EPHB1: variants seen among roughly 807,000 people sequenced by gnomAD.
The protein encoded by EPHB1 is EPH receptor B1.
EPHB1 carries 30 observed loss-of-function variants against 94.4 expected under a neutral mutation model. The ratio of observed to expected loss-of-function variants is 0.32; its 90% CI spans 0.24 to 0.43. EPHB1 has a LOEUF of 0.43. Among genes scored for constraint, EPHB1 ranks in the 20% least tolerant of loss-of-function variants. The pLI, the probability that EPHB1 is intolerant of heterozygous loss-of-function variation, is 1.00. For missense variants in EPHB1, 1,055 were observed against 1,308.3 expected (o/e 0.81, Z 2.99); for synonymous variants, 522 against 489.1 (o/e 1.07, Z -0.89).
At chr3:135,239,726 A>G (rs1008707206) in intron 12 of EPHB1, among the ~76,000 whole-genome samples, 13 of 152,158 alleles carry the variant, frequency 8.5e-5, no homozygotes, top group African/African-American at 2.7e-4. Context: ...CTCACCTCCC[A>G]TTACTTCTCC....
At chr3:135,039,576 G>A (rs558889364) in intron 3 of EPHB1, among the ~76,000 whole-genome samples, 10 of 152,348 alleles carry the variant, frequency 6.6e-5, no homozygotes, top group African/African-American at 1.9e-4. Context: ...CCTGCCCCGC[G>A]GGAAGGCAGC....
intron 15 of EPHB1, among the ~76,000 whole-genome samples, chr3:135,256,119 CAT>C (rs1267657208): frequency 7.9e-5 from 12 of 152,162 alleles, no homozygotes; most frequent in African/African-American, 2.4e-4. Flanking sequence ...TGTCTTTGCA[CAT>C]GAGATGGGTT....
intron 3 of EPHB1, among the ~76,000 whole-genome samples, chr3:134,969,065 A>G (rs1438248960): frequency 1.3e-5 from 2 of 152,134 alleles, no homozygotes; most frequent in African/African-American, 2.4e-5. Flanking sequence ...AGTCATATGG[A>G]AATTGTATGT....
chr3:134,950,076 T>C (rs1181230098), intron 2 of EPHB1, among the ~76,000 whole-genome samples: 1 of 152,244 alleles, frequency 6.6e-6, no homozygotes. Context: ...CATATAAGCA[T>C]GGGTGAGTTG....
chr3:135,246,434 G>A (rs1012994942), intron 13 of EPHB1, among the ~76,000 whole-genome samples: 1 of 152,150 alleles, frequency 6.6e-6, no homozygotes, highest in Non-Finnish European at 1.5e-5. Flanking sequence ...CCATGCCCTT[G>A]TTGCATGCCA....
rs1376987704 is a variant in EPHB1 at position 134,877,374 on chromosome 3, C to A, written c.59-48442C>A. ...TATTTTGGGAAGGAAGACAGTCAAC[C>A]CTGTTGCTAAGCCCCCTGACCCCCA... On this transcript the variant is annotated intron_variant, in intron 1 of 15. Transcript: ENST00000398015. Among the ~76,000 whole-genome samples, 7 of 152,284 alleles carry A rather than the reference C, an allele frequency of 4.6e-5. No individual in the cohort carries two copies. The East Asian group carries it at 1.4e-3, about 29-fold the overall frequency.
chr3:135,225,507 CGAGGCTCGCA>C (rs2107721867), intron 12 of EPHB1, among the ~76,000 whole-genome samples: 1 of 152,256 alleles, frequency 6.6e-6, no homozygotes, highest in South Asian at 2.1e-4. Context: ...AAATTGTTTG[CGAGGCTCGCA>C]GTTCATTAGC....
At chr3:134,814,991 G>A (rs1005680839) in intron 1 of EPHB1, among the ~76,000 whole-genome samples, 7 of 152,136 alleles carry the variant, frequency 4.6e-5, no homozygotes, top group African/African-American at 1.4e-4. Flanking sequence ...CTAAACTTCT[G>A]CATCAGGGAA....
chr3:135,105,065 A>G (rs1462459479), intron 3 of EPHB1, among the ~76,000 whole-genome samples: 1 of 152,208 alleles, frequency 6.6e-6, no homozygotes, highest in African/African-American at 2.4e-5. Context: ...TAGCTACCCC[A>G]TAGAGTAATG....
chr3:134,980,598 G>A (rs1385151110), intron 3 of EPHB1, among the ~76,000 whole-genome samples: 1 of 152,190 alleles, frequency 6.6e-6, no homozygotes, highest in Non-Finnish European at 1.5e-5. Flanking sequence ...GAGATCTAGA[G>A]AGAATTGCTA....
At chr3:134,874,628 C>T (rs1009974709) in intron 1 of EPHB1, among the ~76,000 whole-genome samples, 6 of 152,238 alleles carry the variant, frequency 3.9e-5, no homozygotes, top group African/African-American at 1.2e-4. Flanking sequence ...ATGGTGGGTC[C>T]TTTGGCTCCT....
chr3:135,153,638 C>T (rs1464460186), intron 5 of EPHB1, among the ~76,000 whole-genome samples: 1 of 152,160 alleles, frequency 6.6e-6, no homozygotes, highest in African/African-American at 2.4e-5. Flanking sequence ...TAAAATCTAA[C>T]TTGCAGTATC....
intron 1 of EPHB1, among the ~76,000 whole-genome samples, chr3:134,869,523 C>T (rs1239645436): frequency 2.6e-5 from 4 of 152,198 alleles, no homozygotes; most frequent in African/African-American, 9.6e-5. Context: ...GAACCACTCG[C>T]TGAGGTCAAG....
chr3:134,860,040 AT>A, intron 1 of EPHB1, among the ~76,000 whole-genome samples: 1 of 152,016 alleles, frequency 6.6e-6, no homozygotes, highest in Non-Finnish European at 1.5e-5. Context: ...CTTTTTTCAT[AT>A]GGTTTTTTCT....
Position 135,201,635 on chromosome 3 carries a change from C to T in EPHB1, c.2292C>T (p.Gly764=), listed in dbSNP as rs2107713130. Residue 764 remains glycine, a synonymous_variant, in exon 12 of 16, where the codon GGC becomes GGT. Transcript: ENST00000398015. ...SNLVCKVSDF[G]LSRYLQDDTS... is the part of the protein sequence containing the mutation. ...TGGTGTGCAAGGTGTCCGACTTTGG[C>T]CTCTCCCGCTACCTCCAGGATGACA... 1 of 1,613,910 alleles carries T rather than the reference C, an allele frequency of 6.2e-7. No homozygotes were observed. Among genetic ancestry groups the T allele is most frequent in the African/African-American group, 1.3e-5 (1 of 74,962 alleles).
At chr3:134,826,816 AG>A (rs2036488406) in intron 1 of EPHB1, among the ~76,000 whole-genome samples, 1 of 152,208 alleles carries the variant, frequency 6.6e-6, no homozygotes, top group Non-Finnish European at 1.5e-5. Context: ...GGGAAAGGCC[AG>A]GGTGGCATAG....
chr3:135,090,521 C>T (rs1938516444), intron 3 of EPHB1, among the ~76,000 whole-genome samples: 1 of 152,240 alleles, frequency 6.6e-6, no homozygotes, highest in Non-Finnish European at 1.5e-5. Context: ...TGACTCTAGA[C>T]TTGCAAAGTG....
chr3:135,248,618 T>C, intron 14 of EPHB1, 109 bp downstream of exon 14: 2 of 1,145,690 alleles, frequency 1.7e-6, no homozygotes, highest in Non-Finnish European at 2.4e-6. Context: ...GAGTATCTAG[T>C]TGCAGTGTGG....
At chr3:135,039,790 C>T (rs1020155104) in intron 3 of EPHB1, among the ~76,000 whole-genome samples, 4 of 152,224 alleles carry the variant, frequency 2.6e-5, no homozygotes, top group African/African-American at 4.8e-5. Flanking sequence ...CACGCAGCCC[C>T]GGTTCCCGCT....
Sources: allele counts gnomAD v4.1 joint callset (sites outside exome capture counted in the v4.1 genomes callset), GRCh38; gene constraint gnomAD v4.1.1; transcripts MANE v1.5; gene names NCBI Gene and HGNC (gene_info 2026-07-23, HGNC 2026-07-21).